The following PKP4 variants were observed in gnomAD, a reference collection of about 807,000 sequenced individuals.
The protein encoded by PKP4 is plakophilin-4.
PKP4 carries 90 observed loss-of-function variants against 145.1 expected under a neutral mutation model. The ratio of observed to expected loss-of-function variants is 0.62; its 90% CI spans 0.52 to 0.74. The LOEUF is 0.74. PKP4 is among the 30% of genes least tolerant of loss of function. The pLI, the probability that PKP4 is intolerant of heterozygous loss-of-function variation, is 0.00. For missense variants in PKP4, 1,340 were observed against 1,482.7 expected (o/e 0.90, Z 1.58); for synonymous variants, 563 against 577.2 (o/e 0.98, Z 0.35).
intron 1 of PKP4, among the ~76,000 whole-genome samples, chr2:158,521,600 T>C (rs532846945): frequency 3.9e-5 from 6 of 152,224 alleles, no homozygotes; most frequent in African/African-American, 1.4e-4. Context: ...TCCTAAAGAG[T>C]TGCAGCTTTT....
intron 4 of PKP4, among the ~76,000 whole-genome samples, chr2:158,605,062 T>G (rs907622773): frequency 6.6e-6 from 1 of 152,196 alleles, no homozygotes; most frequent in African/African-American, 2.4e-5. Flanking sequence ...TCACAGCATT[T>G]AAGGTCGTTA....
intron 15 of PKP4, chr2:158,665,895 T>G (rs572507188): frequency 6.6e-6 from 1 of 152,348 alleles, no homozygotes; most frequent in African/African-American, 2.4e-5. Context: ...TTCTGGAGAT[T>G]TCCCTTTCTT....
chr2:158,554,751 T>C (rs1363078748), intron 2 of PKP4, among the ~76,000 whole-genome samples: 1 of 152,180 alleles, frequency 6.6e-6, no homozygotes, highest in Admixed American at 6.5e-5. Flanking sequence ...CAAAAATTGC[T>C]ATCCATTGGT....
intron 1 of PKP4, among the ~76,000 whole-genome samples, chr2:158,506,624 C>A (rs1040385944): frequency 6.6e-6 from 1 of 152,136 alleles, no homozygotes; most frequent in Admixed American, 6.5e-5. Context: ...AAATACTGTT[C>A]TGTTATTTTT....
intron 2 of PKP4, among the ~76,000 whole-genome samples, chr2:158,549,878 CAA>C (rs1450259252): frequency 1.3e-5 from 2 of 151,996 alleles, no homozygotes; most frequent in Non-Finnish European, 2.9e-5. Flanking sequence ...TTTACAGAAA[CAA>C]AACATTTAGG....
At chr2:158,570,234 A>C (rs941709312) in intron 2 of PKP4, among the ~76,000 whole-genome samples, 1 of 152,220 alleles carries the variant, frequency 6.6e-6, no homozygotes, top group Non-Finnish European at 1.5e-5. Flanking sequence ...GCACCAGCCT[A>C]GGTTACAGGA....
chr2:158,575,256 G>A (rs2047747031), intron 2 of PKP4, among the ~76,000 whole-genome samples: 2 of 152,222 alleles, frequency 1.3e-5, no homozygotes, highest in South Asian at 4.1e-4. Context: ...AATAGAGAGA[G>A]AAAACAAGTG....
intron 15 of PKP4, among the ~76,000 whole-genome samples, chr2:158,665,289 C>T (rs2056980634): frequency 6.6e-6 from 1 of 152,172 alleles, no homozygotes; most frequent in South Asian, 2.1e-4. Context: ...TGCCTGAGTG[C>T]TTTGCCTAGT....
At chr2:158,572,133 A>T (rs1304577027) in intron 2 of PKP4, among the ~76,000 whole-genome samples, 13 of 152,198 alleles carry the variant, frequency 8.5e-5, no homozygotes, top group Admixed American at 6.5e-4. Context: ...ATGAAAAAGA[A>T]CTAATAAGAA....
At chr2:158,553,317 G>C (rs2045796659) in intron 2 of PKP4, among the ~76,000 whole-genome samples, 1 of 152,222 alleles carries the variant, frequency 6.6e-6, no homozygotes, top group Non-Finnish European at 1.5e-5. Flanking sequence ...CCTTTGACTA[G>C]TGCTGAAGAT....
chr2:158,635,323 C>T (rs1202765110), intron 9 of PKP4, among the ~76,000 whole-genome samples: 1 of 152,132 alleles, frequency 6.6e-6, no homozygotes, highest in Admixed American at 6.5e-5. Flanking sequence ...TATATAAATG[C>T]ATTTGGTTCT....
chr2:158,484,447 GT>G (rs1348172165), intron 1 of PKP4, among the ~76,000 whole-genome samples: 1 of 152,186 alleles, frequency 6.6e-6, no homozygotes, highest in East Asian at 1.9e-4. Context: ...GCAAGTGTCC[GT>G]TGCTGTCCTG....
At chr2:158,585,673 C>T (rs1045345174) in intron 3 of PKP4, among the ~76,000 whole-genome samples, 3 of 152,128 alleles carry the variant, frequency 2.0e-5, no homozygotes, top group African/African-American at 7.2e-5. Flanking sequence ...TAATATACCA[C>T]TTCAGGAGGA....
Position 158,669,833 on chromosome 2 carries a change from A to C in PKP4, c.2842A>C (p.Lys948Gln). 1 of 1,614,124 alleles carries C rather than the reference A, an allele frequency of 6.2e-7. No individual in the cohort carries two copies. Among genetic ancestry groups the C allele is most frequent in the Non-Finnish European group, 8.5e-7 (1 of 1,179,934 alleles). The change falls in exon 17 of 22, where the codon AAA becomes CAA. Residue 948 changes from lysine (K) to glutamine (Q), a missense_variant. Transcript: ENST00000389759. ...ICCALHEVTSKNMENAKALAD... is the reference protein window; with the variant it reads ...ICCALHEVTSQNMENAKALAD... ...CTGTGCTCTGCACGAGGTCACCAGC[A>C]AAAACATGGAGAACGCAAAAGCCCT... is the stretch of plus-strand genomic sequence containing the variant.
At chr2:158,533,808 C>T (rs551240124) in intron 2 of PKP4, among the ~76,000 whole-genome samples, 3 of 152,196 alleles carry the variant, frequency 2.0e-5, no homozygotes, top group East Asian at 1.9e-4. Context: ...TAAAACTTGT[C>T]GAACTGTGCC....
chr2:158,504,521 A>T (rs1196793600), intron 1 of PKP4, among the ~76,000 whole-genome samples: 1 of 152,220 alleles, frequency 6.6e-6, no homozygotes. Flanking sequence ...TTAGGAAGAG[A>T]GGAGACAAGT....
chr2:158,499,619 C>T (rs1696259150), intron 1 of PKP4, among the ~76,000 whole-genome samples: 1 of 152,150 alleles, frequency 6.6e-6, no homozygotes, highest in Non-Finnish European at 1.5e-5. Flanking sequence ...GTGTGAGTGG[C>T]CAAGCAGAGC....
intron 1 of PKP4, among the ~76,000 whole-genome samples, chr2:158,465,142 A>G (rs556215718): frequency 1.3e-5 from 2 of 152,370 alleles, no homozygotes; most frequent in Non-Finnish European, 2.9e-5. Context: ...AAGATAAGAC[A>G]CATGAGGTAG....
At chr2:158,556,521 C>G (rs1463801327) in intron 2 of PKP4, among the ~76,000 whole-genome samples, 5 of 50,886 alleles carry the variant, frequency 9.8e-5, no homozygotes, top group South Asian at 1.1e-3. Flanking sequence ...GGCTCTTTCT[C>G]TCTTTTTTTT....
Sources: gnomAD v4.1 joint callset for allele counts (sites outside exome capture counted in the v4.1 genomes callset) on GRCh38, gnomAD v4.1.1 for gene constraint, MANE v1.5 for transcripts, NCBI Gene and HGNC (gene_info 2026-07-23, HGNC 2026-07-21) for gene names.